Variants in GFOD2 observed in about 807,000 individuals in gnomAD.
GFOD2 encodes the protein Gfo/Idh/MocA-like oxidoreductase domain containing 2.
In GFOD2, 9 loss-of-function variants were observed where a neutral mutation model predicts 24.6. The observed-to-expected ratio is 0.37, with a 90% CI of 0.22 to 0.64. The LOEUF (loss-of-function observed/expected upper bound fraction) is 0.64, where lower values mean the gene tolerates loss of function less well. Ranked by LOEUF, GFOD2 falls within the 30% of genes least tolerant of loss-of-function variation. The pLI, the probability that GFOD2 is intolerant of heterozygous loss-of-function variation, is 0.65. For synonymous variants in GFOD2, 211 were observed against 224.8 expected, an observed-to-expected ratio of 0.94 and a Z score of 0.55; for missense variants, 476 against 532.5, an observed-to-expected ratio of 0.89 and a Z score of 1.04.
At chr16:67,681,367 T>C (rs1164343637) in intron 2 of GFOD2, 5 of 985,282 alleles carry the variant, frequency 5.1e-6, no homozygotes, top group Non-Finnish European at 6.0e-6. Flanking sequence ...TCCTGTTTCA[T>C]GCCTCAAGAG....
In GFOD2 at chr16:67,675,138, G is replaced by T; in HGVS notation, c.*17C>A. 1 of 1,595,964 alleles carries T rather than the reference G, an allele frequency of 6.3e-7. No individual in the cohort carries two copies. Among genetic ancestry groups the T allele is most frequent in the Non-Finnish European group, 8.6e-7 (1 of 1,169,134 alleles). On this transcript the variant is annotated 3_prime_UTR_variant, in exon 3 of 3. Transcript: ENST00000268797. ...CCCTGGTCCCTCTGCCCTGTGGCAA[G>T]GAGCCCAGGTGCAGGCTCATAGGTT...
chr16:67,681,004 G>A, intron 2 of GFOD2: 1 of 985,442 alleles, frequency 1.0e-6, no homozygotes, highest in Non-Finnish European at 1.2e-6. Flanking sequence ...GCCCGGCAGG[G>A]AGAGTAGCCC....
At chr16:67,676,107 A>G in intron 2 of GFOD2, 54 bp from the exon 3 acceptor site, 2 of 1,494,476 alleles carry the variant, frequency 1.3e-6, no homozygotes, top group Non-Finnish European at 1.8e-6. Context: ...AATCTCCAGC[A>G]TGTCCGCCTG....
At chr16:67,702,656 G>C (rs1180332109) in intron 1 of GFOD2, among the ~76,000 whole-genome samples, 3 of 140,498 alleles carry the variant, frequency 2.1e-5, no homozygotes, top group Middle Eastern at 4.3e-3. Context: ...CTGGAGCACA[G>C]TGGCACAATC....
chr16:67,680,164 A>G (rs761056537), intron 2 of GFOD2, among the ~76,000 whole-genome samples: 3 of 152,190 alleles, frequency 2.0e-5, no homozygotes, highest in Non-Finnish European at 4.4e-5. Context: ...CCAAAGTGCC[A>G]GGATAACAGT....
At chr16:67,691,417 A>G (rs141938032) in intron 1 of GFOD2, among the ~76,000 whole-genome samples, 36 of 151,946 alleles carry the variant, frequency 2.4e-4, no homozygotes, top group African/African-American at 7.5e-4. Flanking sequence ...TATGTCACCC[A>G]GGCTGGTCTC....
intron 1 of GFOD2, among the ~76,000 whole-genome samples, chr16:67,704,810 T>A (rs975798970): frequency 7.9e-5 from 12 of 152,236 alleles, no homozygotes; most frequent in African/African-American, 2.9e-4. Flanking sequence ...GTTCTCTTTC[T>A]AGGTGCTCAG....
chr16:67,710,862 C>G (rs13337860), intron 1 of GFOD2, among the ~76,000 whole-genome samples: 1,927 of 152,224 alleles, frequency 0.013, 40 homozygotes, highest in African/African-American at 0.044. Context: ...AGCTCAGTCT[C>G]TCTCCCCAAC....
In GFOD2 at chr16:67,685,758, C is replaced by G. The variant is rs1230049684; in HGVS notation, c.-43G>C. The G allele has an allele frequency of 2.5e-6, 4 of 1,583,784 alleles. No individual in the cohort carries two copies. Among genetic ancestry groups the G allele is most frequent in the Non-Finnish European group, 3.4e-6 (4 of 1,167,572 alleles). ...CCAACTCATCTCCTCACAAGAGCCT[C>G]TGGCATGGATATGATCTTCCAAACG... is the stretch of plus-strand genomic sequence containing the variant. On this transcript the variant is annotated 5_prime_UTR_variant, in exon 2 of 3. Transcript: ENST00000268797.
intron 1 of GFOD2, among the ~76,000 whole-genome samples, chr16:67,708,974 G>C (rs1314335253): frequency 1.3e-5 from 2 of 152,170 alleles, no homozygotes; most frequent in Non-Finnish European, 2.9e-5. Flanking sequence ...CACGGCCCTA[G>C]TTATGAAGTG....
At chr16:67,707,719 A>G (rs2053448549) in intron 1 of GFOD2, among the ~76,000 whole-genome samples, 2 of 152,174 alleles carry the variant, frequency 1.3e-5, no homozygotes, top group Admixed American at 1.3e-4. Context: ...TAAAAATTTT[A>G]TTAATTTTTT....
chr16:67,687,485 C>T (rs953554132), intron 1 of GFOD2, among the ~76,000 whole-genome samples: 1 of 150,508 alleles, frequency 6.6e-6, no homozygotes, highest in Non-Finnish European at 1.5e-5. Context: ...CTAAAAAATA[C>T]AAAAAATTAG....
At chr16:67,717,271 G>C (rs1246786870) in intron 1 of GFOD2, among the ~76,000 whole-genome samples, 1 of 152,088 alleles carries the variant, frequency 6.6e-6, no homozygotes, top group Non-Finnish European at 1.5e-5. Context: ...TAAGGGCAAG[G>C]GGAAAAACCT....
intron 1 of GFOD2, among the ~76,000 whole-genome samples, chr16:67,711,432 G>A (rs537194480): frequency 6.6e-6 from 1 of 151,952 alleles, no homozygotes; most frequent in African/African-American, 2.4e-5. Flanking sequence ...TCTCCTGATG[G>A]TGACTGTAGT....
intron 1 of GFOD2, among the ~76,000 whole-genome samples, chr16:67,691,190 ACTC>A (rs1360696647): frequency 6.7e-6 from 1 of 149,020 alleles, no homozygotes; most frequent in East Asian, 2.0e-4. Context: ...AAAGCTAACT[ACTC>A]CTGATCTTGG....
chr16:67,707,906 C>A (rs533851682), intron 1 of GFOD2, among the ~76,000 whole-genome samples: 1 of 152,154 alleles, frequency 6.6e-6, no homozygotes, highest in African/African-American at 2.4e-5. Context: ...ACACAGAAGA[C>A]CCATACTGTA....
chr16:67,700,443 T>C lies in GFOD2; in HGVS notation c.-87-14641A>G, dbSNP rs993773011. Among the ~76,000 whole-genome samples the C allele has an allele frequency of 2.6e-5, 4 of 151,880 alleles. No homozygotes were observed. The South Asian group carries it at 6.2e-4, about 24-fold the overall frequency. On this transcript the variant is annotated intron_variant, in intron 1 of 2. Transcript: ENST00000268797. ...CTATAACTTACCGTATCAGTAGTCA[T>C]TAGACAGCATTAATTAGAAATACAA...
Position 67,675,285 on chromosome 16 carries a change from TAC to T in GFOD2, c.1026_1027del (p.Tyr343HisfsTer35). ...GATGGCATCCACCACGCTCTGCATG[TAC>T]AGCCCATCCTCGAAGGAGGCGGCCA... On this transcript the variant is annotated frameshift_variant, in exon 3 of 3. Coordinates refer to ENST00000268797, the MANE Select transcript of GFOD2 (RefSeq NM_030819.4). LOFTEE classifies it high-confidence loss of function. 6.2e-7 allele frequency: 1 copy of T among 1,613,004 alleles called. No homozygotes were observed.
At chr16:67,690,491 C>A (rs2142994774) in intron 1 of GFOD2, among the ~76,000 whole-genome samples, 1 of 151,584 alleles carries the variant, frequency 6.6e-6, no homozygotes, top group South Asian at 2.1e-4. Context: ...AAGTGATCTG[C>A]CTGCCTCGGC....
Sources: gnomAD v4.1 joint callset for allele counts (sites outside exome capture counted in the v4.1 genomes callset) on GRCh38, gnomAD v4.1.1 for gene constraint, MANE v1.5 for transcripts, NCBI Gene and HGNC (gene_info 2026-07-23, HGNC 2026-07-21) for gene names.